Variants in PAK5 observed in about 807,000 individuals in gnomAD.
PAK5 encodes p21 (RAC1) activated kinase 5, also known as serine/threonine-protein kinase PAK 5.
A neutral mutation model predicts 65.9 loss-of-function variants in PAK5; 16 were observed. That is an observed-to-expected ratio of 0.24 (90% confidence interval 0.16 to 0.37). The LOEUF (loss-of-function observed/expected upper bound fraction) is 0.37. Among genes scored for constraint, PAK5 ranks in the 10% least tolerant of loss-of-function variants. PAK5 has a pLI of 1.00. For synonymous variants in PAK5, 371 were observed against 354.9 expected, an observed-to-expected ratio of 1.05 and a Z score of -0.51; for missense variants, 785 against 903.9, an observed-to-expected ratio of 0.87 and a Z score of 1.69.
intron 2 of PAK5, among the ~76,000 whole-genome samples, chr20:9,690,750 C>CTTTCTTTT (rs1298213630): frequency 9.6e-6 from 1 of 103,976 alleles, no homozygotes; most frequent in African/African-American, 3.9e-5. Flanking sequence ...TTCTTTCTTT[C>CTTTCTTTT]TTTTTTTTTT....
At chr20:9,580,033 C>T in intron 4 of PAK5, 112 bp downstream of exon 4, 1 of 924,126 alleles carries the variant, frequency 1.1e-6, no homozygotes, top group African/African-American at 1.7e-5. Context: ...TATTGATTTT[C>T]CCTTAAAAGG....
At chr20:9,607,502 G>A (rs1316142928) in intron 3 of PAK5, among the ~76,000 whole-genome samples, 1 of 152,180 alleles carries the variant, frequency 6.6e-6, no homozygotes, top group African/African-American at 2.4e-5. Context: ...AGGTCTCAGT[G>A]TTAATGTCTT....
At chr20:9,747,601 T>C (rs1353987387) in intron 1 of PAK5, among the ~76,000 whole-genome samples, 1 of 151,658 alleles carries the variant, frequency 6.6e-6, no homozygotes, top group African/African-American at 2.4e-5. Flanking sequence ...ATTATCTCAA[T>C]AGATGCAGAA....
chr20:9,791,488 T>C (rs1318071803), intron 1 of PAK5, among the ~76,000 whole-genome samples: 1 of 152,068 alleles, frequency 6.6e-6, no homozygotes, highest in Non-Finnish European at 1.5e-5. Flanking sequence ...ACAATGTCTT[T>C]ACTGCTTGAC....
chr20:9,830,221 T>G (rs1978600038), intron 1 of PAK5, among the ~76,000 whole-genome samples: 1 of 152,178 alleles, frequency 6.6e-6, no homozygotes, highest in Admixed American at 6.5e-5. Context: ...TCTGTCCTGT[T>G]TTAAGCACAA....
intron 1 of PAK5, among the ~76,000 whole-genome samples, chr20:9,748,374 C>T (rs555546745): frequency 6.6e-6 from 1 of 152,190 alleles, no homozygotes; most frequent in East Asian, 1.9e-4. Flanking sequence ...GAGCATGCAT[C>T]GCCAAGTCAG....
At chr20:9,695,579 CT>C (rs2047857916) in intron 2 of PAK5, among the ~76,000 whole-genome samples, 1 of 152,006 alleles carries the variant, frequency 6.6e-6, no homozygotes, top group South Asian at 2.1e-4. Flanking sequence ...GAGAGCATTT[CT>C]TAACACTTCC....
At chr20:9,805,119 A>T (rs539159528) in intron 1 of PAK5, among the ~76,000 whole-genome samples, 4 of 152,324 alleles carry the variant, frequency 2.6e-5, no homozygotes, top group Admixed American at 2.6e-4. Flanking sequence ...AGCACATAAA[A>T]AGATGTTTCG....
chr20:9,583,259 C>T (rs561788091), intron 3 of PAK5, among the ~76,000 whole-genome samples: 1 of 152,224 alleles, frequency 6.6e-6, no homozygotes, highest in South Asian at 2.1e-4. Flanking sequence ...AATCAAGTAC[C>T]ACATAATTCA....
intron 2 of PAK5, among the ~76,000 whole-genome samples, chr20:9,700,404 C>G (rs2047924684): frequency 6.6e-6 from 1 of 152,152 alleles, no homozygotes; most frequent in Non-Finnish European, 1.5e-5. Context: ...GAGTGAGACT[C>G]TATCTCAAAA....
At chr20:9,607,146 C>T (rs116610722) in intron 3 of PAK5, among the ~76,000 whole-genome samples, 37 of 152,224 alleles carry the variant, frequency 2.4e-4, no homozygotes, top group East Asian at 9.7e-4. Context: ...ACACCATGTT[C>T]GACTGAGTGA....
At chr20:9,593,628 T>C (rs2046212942) in intron 3 of PAK5, among the ~76,000 whole-genome samples, 1 of 152,158 alleles carries the variant, frequency 6.6e-6, no homozygotes, top group African/African-American at 2.4e-5. Context: ...TGTCTCCATT[T>C]GTTCTCATTG....
At chr20:9,597,239 C>G (rs1009166903) in intron 3 of PAK5, among the ~76,000 whole-genome samples, 1 of 152,158 alleles carries the variant, frequency 6.6e-6, no homozygotes, top group Non-Finnish European at 1.5e-5. Flanking sequence ...CTTCAAAATT[C>G]TGTTGCTTTG....
At chr20:9,698,421 T>C (rs1011857946) in intron 2 of PAK5, among the ~76,000 whole-genome samples, 3 of 152,158 alleles carry the variant, frequency 2.0e-5, no homozygotes, top group Non-Finnish European at 4.4e-5. Flanking sequence ...TTTCTCCCCA[T>C]GAATGCATGA....
chr20:9,563,121 G>A (rs1361995910), intron 5 of PAK5, 97 bp from the exon 6 acceptor site: 3 of 1,055,316 alleles, frequency 2.8e-6, no homozygotes, highest in Non-Finnish European at 4.3e-6. Context: ...CTGATTGAGA[G>A]GTACTGATTG....
chr20:9,596,703 T>A (rs1169394731), intron 3 of PAK5, among the ~76,000 whole-genome samples: 1 of 150,814 alleles, frequency 6.6e-6, no homozygotes, highest in Non-Finnish European at 1.5e-5. Context: ...TAAAAATCCT[T>A]TAGCCCAGAC....
chr20:9,787,981 G>T (rs1289061383), intron 1 of PAK5, among the ~76,000 whole-genome samples: 3 of 69,758 alleles, frequency 4.3e-5, no homozygotes, highest in Admixed American at 1.7e-4. Context: ...GTCTGTGTGT[G>T]TTGGGGGGGG....
At chr20:9,572,725 C>T (rs2045812140) in intron 4 of PAK5, among the ~76,000 whole-genome samples, 1 of 152,234 alleles carries the variant, frequency 6.6e-6, no homozygotes, top group African/African-American at 2.4e-5. Context: ...TTTACCCTTG[C>T]AGACCTTACA....
intron 1 of PAK5, among the ~76,000 whole-genome samples, chr20:9,767,554 T>C (rs946316369): frequency 6.6e-6 from 1 of 152,220 alleles, no homozygotes; most frequent in African/African-American, 2.4e-5. Flanking sequence ...TCATTTAATG[T>C]GGCCTCTCTA....
Sources: gnomAD v4.1 joint callset for allele counts (sites outside exome capture counted in the v4.1 genomes callset) on GRCh38, gnomAD v4.1.1 for gene constraint, MANE v1.5 for transcripts, NCBI Gene and HGNC (gene_info 2026-07-23, HGNC 2026-07-21) for gene names.